PPARA: variants seen among roughly 807,000 people sequenced by gnomAD.
The protein encoded by PPARA is peroxisome proliferator-activated receptor alpha.
PPARA carries 22 observed loss-of-function variants against 42.2 expected under a neutral mutation model. The ratio of observed to expected loss-of-function variants is 0.52; its 90% CI spans 0.37 to 0.74. The LOEUF (loss-of-function observed/expected upper bound fraction) is 0.74, where lower values mean the gene tolerates loss of function less well. PPARA is among the 30% of genes least tolerant of loss of function. The pLI, the probability that PPARA is intolerant of heterozygous loss-of-function variation, is 0.00. For missense variants in PPARA, 465 were observed against 608.2 expected, an observed-to-expected ratio of 0.76 and a Z score of 2.48; for synonymous variants, 242 against 239.3, an observed-to-expected ratio of 1.01 and a Z score of -0.10.
chr22:46,193,732 T>C lies in PPARA; in HGVS notation c.-42-4610T>C, dbSNP rs527425371. 2.0e-5 allele frequency among the ~76,000 whole-genome samples: 3 copies of C among 152,288 alleles called. No homozygotes were observed. The East Asian group carries it at 5.8e-4, about 29-fold the overall frequency. ...CTGGGACTGGAACAGAAGCCCTACC[T>C]TTTCCCAACACCCTATCCACCTGTC... On this transcript the variant is annotated intron_variant, in intron 3 of 8. Coordinates refer to ENST00000407236, the MANE Select transcript of PPARA (RefSeq NM_005036.6). The surrounding 1 kb of genome is among the most constrained non-coding windows in gnomAD (Gnocchi z 5.3).
chr22:46,235,021 A>G lies in PPARA; in HGVS notation c.1160-112A>G. On this transcript the variant is annotated intron_variant, in intron 8 of 8. Coordinates refer to ENST00000407236, the MANE Select transcript of PPARA (RefSeq NM_005036.6). The surrounding 1 kb of genome is among the most constrained non-coding windows in gnomAD (Gnocchi z 7.0). ...AGTTGACAATATCTAAAGGCAGCTC[A>G]GTTTTTTTCTAAGAAAGGCCACATA... The G allele has an allele frequency of 6.9e-7, 1 of 1,455,632 alleles. No homozygotes were observed. 90.2% of individuals were successfully genotyped at this position (1,455,632 alleles called of 1,614,324 possible).
At chr22:46,197,057 G>T (rs1932332183) in intron 3 of PPARA, among the ~76,000 whole-genome samples, 1 of 150,104 alleles carries the variant, frequency 6.7e-6, no homozygotes, top group Non-Finnish European at 1.5e-5. Flanking sequence ...GTTTGGTTTT[G>T]GTTTTTTTTT....
chr22:46,169,058 A>G (rs970412930), intron 2 of PPARA, among the ~76,000 whole-genome samples: 1 of 151,918 alleles, frequency 6.6e-6, no homozygotes, highest in Non-Finnish European at 1.5e-5. Context: ...TAGGTGGAAC[A>G]CAGGGCATGT....
chr22:46,215,430 A>G, intron 5 of PPARA, 97 bp downstream of exon 5: 1 of 1,522,214 alleles, frequency 6.6e-7, no homozygotes, highest in Non-Finnish European at 9.0e-7. Flanking sequence ...AGATTGCAGA[A>G]AGTCCCGGAT....
intron 4 of PPARA, among the ~76,000 whole-genome samples, chr22:46,199,175 C>T (rs534392005): frequency 2.0e-5 from 3 of 152,188 alleles, no homozygotes; most frequent in East Asian, 3.9e-4. Flanking sequence ...CCAGCAAGCC[C>T]GCGGGGGGCA....
chr22:46,208,331 T>C (rs1317589354), intron 4 of PPARA, among the ~76,000 whole-genome samples: 2 of 151,976 alleles, frequency 1.3e-5, no homozygotes, highest in African/African-American at 2.4e-5. Context: ...GTGGATCACT[T>C]GAGGTCAGGA....
intron 4 of PPARA, among the ~76,000 whole-genome samples, chr22:46,201,477 G>A (rs1400589006): frequency 1.3e-5 from 2 of 152,190 alleles, no homozygotes; most frequent in African/African-American, 4.8e-5. Context: ...GGCCCCCAGA[G>A]CAGTGGGGAA....
At chr22:46,209,975 G>C in intron 4 of PPARA, among the ~76,000 whole-genome samples, 1 of 152,086 alleles carries the variant, frequency 6.6e-6, no homozygotes, top group Middle Eastern at 3.4e-3. Context: ...AAACTCCTGG[G>C]TTCAAACAAT....
rs1926204843 is a variant in PPARA at position 46,161,737 on chromosome 22, G to A, written c.-127+9767G>A. 3.3e-5 allele frequency among the ~76,000 whole-genome samples: 5 copies of A among 152,214 alleles called. No individual in the cohort carries two copies. Among genetic ancestry groups the A allele is most frequent in the African/African-American group, 1.2e-4 (5 of 41,456 alleles). On this transcript the variant is annotated intron_variant, in intron 2 of 8. Transcript: ENST00000407236. The surrounding 1 kb of genome is among the most constrained non-coding windows in gnomAD (Gnocchi z 4.8). ...ATACACGTGAAGTTAAATCACCAAA[G>A]GACCAGGTGAGCAGATGTGGACTTT... is the stretch of plus-strand genomic sequence containing the variant.
Position 46,216,878 on chromosome 22 carries a change from G to A in PPARA, c.370-1385G>A, listed in dbSNP as rs889423196. Among the ~76,000 whole-genome samples, 11 of 152,204 alleles carry A rather than the reference G, an allele frequency of 7.2e-5. No individual in the cohort carries two copies. Among genetic ancestry groups the A allele is most frequent in the South Asian group, 2.1e-4 (1 of 4,830 alleles). ...TTGCACAGACGTGCTCAAGTCTGGC[G>A]CCTTATGTACGTGATATGTGGGAGA... On this transcript the variant is annotated intron_variant, in intron 5 of 8. Coordinates refer to ENST00000407236, the MANE Select transcript of PPARA (RefSeq NM_005036.6). This position sits in a 1 kb window ranked among gnomAD's most constrained non-coding sequence, Gnocchi z 4.5.
At chr22:46,218,542 A>G (rs572310534) in intron 6 of PPARA, 141 bp downstream of exon 6, 2 of 1,446,916 alleles carry the variant, frequency 1.4e-6, no homozygotes, top group East Asian at 4.6e-5. Flanking sequence ...GGCCTAAGAA[A>G]ATAAAAGTCG....
At chr22:46,213,028 G>T (rs1934089607) in intron 4 of PPARA, among the ~76,000 whole-genome samples, 1 of 152,200 alleles carries the variant, frequency 6.6e-6, no homozygotes, top group Admixed American at 6.5e-5. Flanking sequence ...GTATACATGT[G>T]TAGGTTTTGT....
In PPARA at chr22:46,161,803, G is replaced by A. The variant is rs759705861; in HGVS notation, c.-127+9833G>A. Among the ~76,000 whole-genome samples the A allele has an allele frequency of 4.1e-4, 62 of 152,262 alleles. No individual in the cohort carries two copies. Among genetic ancestry groups the A allele is most frequent in the Non-Finnish European group, 6.5e-4 (44 of 68,024 alleles). On this transcript the variant is annotated intron_variant, in intron 2 of 8. Transcript: ENST00000407236. The surrounding 1 kb of genome is among the most constrained non-coding windows in gnomAD (Gnocchi z 4.8). ...CGACTTCCTCAGAGCCCTCAGTGGCGTTCCCTTTTCCGCGCTAGCGTTTGG... is the reference window on the plus strand; with the variant it reads ...CGACTTCCTCAGAGCCCTCAGTGGCATTCCCTTTTCCGCGCTAGCGTTTGG...
intron 1 of PPARA, among the ~76,000 whole-genome samples, 197 bp from the exon 2 acceptor site, chr22:46,151,691 C>G (rs890380975): frequency 6.6e-6 from 1 of 152,246 alleles, no homozygotes; most frequent in African/African-American, 2.4e-5. Flanking sequence ...GGCCCCTCCT[C>G]TCCCAGCCTC....
chr22:46,224,859 G>T lies in PPARA; in HGVS notation c.711+4845G>T, dbSNP rs993451150. Among the ~76,000 whole-genome samples, 1 of 152,114 alleles carries T rather than the reference G, an allele frequency of 6.6e-6. No individual in the cohort carries two copies. The highest frequency in any genetic ancestry group is 2.4e-5 in the African/African-American group (1 of 41,410). On this transcript the variant is annotated intron_variant, in intron 7 of 8. Coordinates refer to ENST00000407236, the MANE Select transcript of PPARA (RefSeq NM_005036.6). The surrounding 1 kb of genome is among the most constrained non-coding windows in gnomAD (Gnocchi z 5.7). The stretch of plus-strand genomic sequence containing the variant: ...GCCCTCTGGTTTGCTATAAGCGGGG[G>T]ACTGAATTTCTCTTTGCAGTGGCCA...
chr22:46,199,318 A>T (rs992121332), intron 4 of PPARA, among the ~76,000 whole-genome samples: 1 of 152,144 alleles, frequency 6.6e-6, no homozygotes, highest in African/African-American at 2.4e-5. Flanking sequence ...ATACAGTGGT[A>T]TATACTTCAT....
In PPARA at chr22:46,204,955, C is replaced by G. The variant is rs552650120; in HGVS notation, c.208+6364C>G. Among the ~76,000 whole-genome samples, 1 of 152,132 alleles carries G rather than the reference C, an allele frequency of 6.6e-6. No homozygotes were observed. Among genetic ancestry groups the G allele is most frequent in the African/African-American group, 2.4e-5 (1 of 41,516 alleles). ...CGATCATGGCTTACTGCAGCCTTGA[C>G]CTCTTGGGCTCAGGAAACCCTCCGA... On this transcript the variant is annotated intron_variant, in intron 4 of 8. Coordinates refer to ENST00000407236, the MANE Select transcript of PPARA (RefSeq NM_005036.6). The surrounding 1 kb of genome is among the most constrained non-coding windows in gnomAD (Gnocchi z 5.2).
At chr22:46,174,276 A>AGGAAGGAAGGAAGGAAGGAAAGG (rs1236515954) in intron 2 of PPARA, among the ~76,000 whole-genome samples, 1 of 150,530 alleles carries the variant, frequency 6.6e-6, no homozygotes. Context: ...GAAGGAAGGA[A>AGGAAGGAAGGAAGGAAGGAAAGG]ATTATGATAA....
In PPARA at chr22:46,190,872, T is replaced by G. The variant is rs1255248065; in HGVS notation, c.-42-7470T>G. On this transcript the variant is annotated intron_variant, in intron 3 of 8. Coordinates refer to ENST00000407236, the MANE Select transcript of PPARA (RefSeq NM_005036.6). This position sits in a 1 kb window ranked among gnomAD's most constrained non-coding sequence, Gnocchi z 5.6. Reference sequence around the variant, plus strand: ...GTTGGGACAGTATTCAGCTACCTGCTATTTAATACATTATTTCAGAAAATA... The same window carrying G: ...GTTGGGACAGTATTCAGCTACCTGCGATTTAATACATTATTTCAGAAAATA... Among the ~76,000 whole-genome samples, 1 of 152,180 alleles carries G rather than the reference T, an allele frequency of 6.6e-6. No individual in the cohort carries two copies. Among genetic ancestry groups the G allele is most frequent in the Non-Finnish European group, 1.5e-5 (1 of 68,040 alleles).
Sources: allele counts gnomAD v4.1 joint callset (sites outside exome capture counted in the v4.1 genomes callset), GRCh38; gene constraint gnomAD v4.1.1; non-coding constraint Gnocchi (gnomAD v3.1); transcripts MANE v1.5; gene names NCBI Gene and HGNC (gene_info 2026-07-23, HGNC 2026-07-21).